The following SLC8A1 variants were observed in gnomAD, a reference collection of about 807,000 sequenced individuals.
SLC8A1 encodes the protein solute carrier family 8 member A1.
SLC8A1 carries 18 observed loss-of-function variants against 68.3 expected under a neutral mutation model. That is an observed-to-expected ratio of 0.26 (90% confidence interval 0.18 to 0.39). The LOEUF (loss-of-function observed/expected upper bound fraction) is 0.39, where lower values mean the gene tolerates loss of function less well. Ranked by LOEUF, SLC8A1 falls within the 10% of genes least tolerant of loss-of-function variation. SLC8A1 has a pLI of 1.00. For missense variants in SLC8A1, 985 were observed against 1,156.7 expected (o/e 0.85, Z 2.15); for synonymous variants, 475 against 415.5 (o/e 1.14, Z -1.74).
At chr2:40,138,203 C>T (rs1002501048) in intron 7 of SLC8A1, among the ~76,000 whole-genome samples, 3 of 151,974 alleles carry the variant, frequency 2.0e-5, no homozygotes, top group South Asian at 2.1e-4. Flanking sequence ...AGTCACTGGA[C>T]GATAAATAGC....
At chr2:40,411,025 GT>G (rs1160437860) in intron 2 of SLC8A1, among the ~76,000 whole-genome samples, 2 of 151,968 alleles carry the variant, frequency 1.3e-5, no homozygotes, top group Non-Finnish European at 2.9e-5. Flanking sequence ...AAATAATTAA[GT>G]TTTTTTAGAT....
At chr2:40,424,458 A>G (rs1233178563) in intron 2 of SLC8A1, among the ~76,000 whole-genome samples, 6 of 151,852 alleles carry the variant, frequency 4.0e-5, no homozygotes, top group African/African-American at 1.4e-4. Context: ...CCCATATACT[A>G]CTGAAATTTT....
intron 2 of SLC8A1, among the ~76,000 whole-genome samples, chr2:40,383,186 A>G (rs181647328): frequency 1.3e-5 from 2 of 152,254 alleles, no homozygotes; most frequent in East Asian, 3.9e-4. Context: ...TAGATAATAA[A>G]CATAAATCAT....
chr2:40,192,711 TG>T (rs1258835364), intron 2 of SLC8A1, among the ~76,000 whole-genome samples: 5 of 152,172 alleles, frequency 3.3e-5, no homozygotes, highest in South Asian at 2.1e-4. Context: ...CTTGCTGTCT[TG>T]GTGTAATATT....
Position 40,348,726 on chromosome 2 carries a change from G to A in SLC8A1, c.1808+79747C>T, listed in dbSNP as rs574671423. ...ACCAGAAAGAGTGAGGACATGAAGA[G>A]TGCCATGTCTTGCCCTTAATGACTC... is the stretch of plus-strand genomic sequence containing the variant. On this transcript the variant is annotated intron_variant, in intron 2 of 7. Transcript: ENST00000406785. Among the ~76,000 whole-genome samples the A allele has an allele frequency of 3.9e-5, 6 of 152,180 alleles. No individual in the cohort carries two copies. The South Asian group carries it at 6.2e-4, about 16-fold the overall frequency.
At chr2:40,248,318 C>T (rs1056387198) in intron 2 of SLC8A1, among the ~76,000 whole-genome samples, 4 of 152,098 alleles carry the variant, frequency 2.6e-5, no homozygotes, top group Admixed American at 6.6e-5. Context: ...ATCCTAACTC[C>T]CAGGGTGATG....
intron 1 of SLC8A1, among the ~76,000 whole-genome samples, chr2:40,496,785 G>A (rs1226710827): frequency 1.3e-5 from 2 of 151,822 alleles, no homozygotes; most frequent in East Asian, 3.9e-4. Flanking sequence ...CTGTTTAGAT[G>A]ATTTCCAATT....
At chr2:40,206,813 T>A (rs994043221) in intron 2 of SLC8A1, among the ~76,000 whole-genome samples, 1 of 152,044 alleles carries the variant, frequency 6.6e-6, no homozygotes, top group African/African-American at 2.4e-5. Context: ...GTTTTATAAT[T>A]GCAATATCTT....
intron 2 of SLC8A1, among the ~76,000 whole-genome samples, chr2:40,319,121 C>T (rs930288106): frequency 6.6e-6 from 1 of 152,060 alleles, no homozygotes; most frequent in African/African-American, 2.4e-5. Context: ...TTTCTGTTAA[C>T]AGGCAGTGTG....
intron 1 of SLC8A1, among the ~76,000 whole-genome samples, chr2:40,470,073 T>C (rs1342358954): frequency 6.6e-6 from 1 of 151,424 alleles, no homozygotes; most frequent in South Asian, 2.1e-4. Context: ...TTTAGTACTT[T>C]CACTGAATTC....
At chr2:40,245,713 A>ACTAT (rs2061778759) in intron 2 of SLC8A1, among the ~76,000 whole-genome samples, 1 of 149,948 alleles carries the variant, frequency 6.7e-6, no homozygotes, top group Non-Finnish European at 1.5e-5. Context: ...CCTTCTCTTG[A>ACTAT]CTATCTGCTG....
chr2:40,492,569 T>G lies in SLC8A1; in HGVS notation c.-25+19780A>C, dbSNP rs528194864. ...AGAGTGAACAGGCAACCTACAAAAT[T>G]GGAGAAAATTTTCGCAACCTACTCA... On this transcript the variant is annotated intron_variant, in intron 1 of 7. Transcript: ENST00000402441. 3.2e-3 allele frequency among the ~76,000 whole-genome samples: 479 copies of G among 149,476 alleles called. 1 individual carries two copies. The highest frequency in any genetic ancestry group is 9.9e-3 in the African/African-American group (401 of 40,438).
chr2:40,382,243 A>G (rs1682070878), intron 2 of SLC8A1, among the ~76,000 whole-genome samples: 1 of 152,102 alleles, frequency 6.6e-6, no homozygotes, highest in Non-Finnish European at 1.5e-5. Flanking sequence ...TAGCTCAGAA[A>G]GGCATAACAG....
intron 2 of SLC8A1, among the ~76,000 whole-genome samples, chr2:40,220,538 G>A (rs773333267): frequency 7.1e-4 from 108 of 152,234 alleles, no homozygotes; most frequent in Non-Finnish European, 1.3e-3. Context: ...GAATTTTGCA[G>A]TTTTTCTGTT....
At chr2:40,359,931 TAAA>T (rs11320388) in intron 2 of SLC8A1, among the ~76,000 whole-genome samples, 3,573 of 141,800 alleles carry the variant, frequency 0.025, 54 homozygotes, top group Non-Finnish European at 0.037. Context: ...GAGTTTAACT[TAAA>T]AAAAAAAAAA....
At chr2:40,214,229 T>G (rs556687379) in intron 2 of SLC8A1, among the ~76,000 whole-genome samples, 1 of 152,280 alleles carries the variant, frequency 6.6e-6, no homozygotes, top group Admixed American at 6.5e-5. Context: ...TTATAGCCTC[T>G]TCAGCTATGA....
chr2:40,389,945 CAT>C (rs1307809041), intron 2 of SLC8A1, among the ~76,000 whole-genome samples: 4 of 151,704 alleles, frequency 2.6e-5, no homozygotes, highest in African/African-American at 4.8e-5. Context: ...CACACACACA[CAT>C]ACACACACAG....
intron 2 of SLC8A1, among the ~76,000 whole-genome samples, chr2:40,413,120 G>A (rs990031496): frequency 6.6e-6 from 1 of 152,166 alleles, no homozygotes; most frequent in African/African-American, 2.4e-5. Context: ...TGGAGAGGAT[G>A]TGGAGAAATA....
chr2:40,122,114 A>T (rs544928710), intron 7 of SLC8A1, among the ~76,000 whole-genome samples: 1 of 152,128 alleles, frequency 6.6e-6, no homozygotes, highest in African/African-American at 2.4e-5. Context: ...GTCACTGAAG[A>T]CCTTAAACAA....
Sources: gnomAD v4.1 joint callset for allele counts (sites outside exome capture counted in the v4.1 genomes callset) on GRCh38, gnomAD v4.1.1 for gene constraint, MANE v1.5 for transcripts, NCBI Gene and HGNC (gene_info 2026-07-23, HGNC 2026-07-21) for gene names.